Variants in HSPG2 observed in about 807,000 individuals in gnomAD.
HSPG2 encodes the protein heparan sulfate proteoglycan 2.
A neutral mutation model predicts 526.6 loss-of-function variants in HSPG2; 278 were observed. That is an observed-to-expected ratio of 0.53 (90% confidence interval 0.48 to 0.58). The LOEUF (loss-of-function observed/expected upper bound fraction) is 0.58, where lower values mean the gene tolerates loss of function less well. Among genes scored for constraint, HSPG2 ranks in the 20% least tolerant of loss-of-function variants. HSPG2 has a pLI of 0.00. For synonymous variants in HSPG2, 2,465 were observed against 2,555.4 expected (o/e 0.96, Z 1.07); for missense variants, 5,354 against 6,099.5 (o/e 0.88, Z 4.07).
rs1382338246 is a variant in HSPG2, at chr1:21,922,031, T to C, written c.63+15124A>G. On this transcript the variant is annotated intron_variant, in intron 1 of 96. Transcript: ENST00000374695. ...GTGGGGTTGCAGGGGGACGACACAA[T>C]AGAACTGAGACCCAGAGGTTTATCT... Among the ~76,000 whole-genome samples the C allele has an allele frequency of 2.0e-5, 3 of 152,030 alleles. No homozygotes were observed. In the South Asian group the frequency reaches 6.2e-4, roughly 32 times the overall value.
chr1:21,848,158 C>T lies in HSPG2; in HGVS notation c.7738-65G>A. The T allele has an allele frequency of 6.6e-7, 1 of 1,524,116 alleles. No homozygotes were observed. Among genetic ancestry groups the T allele is most frequent in the Non-Finnish European group, 8.8e-7 (1 of 1,132,192 alleles). The allele number at this position is 1,524,116 out of a possible 1,614,324, so 94.4% of individuals were successfully genotyped here. ...GGGCAGCTCCTCCACATCTTGGGCA[C>T]TGCTGCCGCTGCCCCTGGACTCTGG... On this transcript the variant is annotated intron_variant, in intron 59 of 96. Coordinates refer to ENST00000374695, the MANE Select transcript of HSPG2 (RefSeq NM_005529.7). The surrounding 1 kb of genome is among the most constrained non-coding windows in gnomAD (Gnocchi z 4.9).
At chr1:21,860,922 G>T (rs1053923349) in intron 39 of HSPG2, among the ~76,000 whole-genome samples, 1 of 152,238 alleles carries the variant, frequency 6.6e-6, no homozygotes, top group Non-Finnish European at 1.5e-5. Context: ...ACATGAAAAT[G>T]AGAGTGCAGG....
intron 1 of HSPG2, chr1:21,908,307 T>C: frequency 1.0e-6 from 1 of 985,478 alleles, no homozygotes; most frequent in Non-Finnish European, 1.6e-6. Context: ...TTATCCAGTA[T>C]GCTGCTAGCA....
At chr1:21,935,194 C>A (rs1345821517) in intron 1 of HSPG2, among the ~76,000 whole-genome samples, 1 of 152,166 alleles carries the variant, frequency 6.6e-6, no homozygotes, top group East Asian at 1.9e-4. Context: ...CATGAGCCAC[C>A]GCGCCTGGCC....
At chr1:21,906,844 C>T (rs1643406152) in intron 1 of HSPG2, among the ~76,000 whole-genome samples, 1 of 152,020 alleles carries the variant, frequency 6.6e-6, no homozygotes, top group Non-Finnish European at 1.5e-5. Context: ...TTGGGAACAC[C>T]ACCCCAACCA....
At chr1:21,876,085 G>A (rs1441295330) in intron 23 of HSPG2, 43 bp from the exon 24 acceptor site, 7 of 1,606,672 alleles carry the variant, frequency 4.4e-6, no homozygotes, top group South Asian at 2.2e-5. Context: ...GCCTGAATTC[G>A]GGCCCTGTCA....
At chr1:21,935,717 A>C (rs1017683669) in intron 1 of HSPG2, among the ~76,000 whole-genome samples, 8 of 152,246 alleles carry the variant, frequency 5.3e-5, no homozygotes, top group African/African-American at 1.9e-4. Flanking sequence ...AGGTCAGGAA[A>C]GACTGTTGGG....
rs1375380555 is a variant in HSPG2, at chr1:21,864,008, T to A, written c.4740+92A>T. The stretch of plus-strand genomic sequence containing the variant: ...CACAGGCCATGCCCCATGATCCTGA[T>A]CCCCTGGATTGATGCCTGCCTTGTC... On this transcript the variant is annotated intron_variant, in intron 37 of 96. Transcript: ENST00000374695. The surrounding 1 kb of genome is among the most constrained non-coding windows in gnomAD (Gnocchi z 4.8). The A allele has an allele frequency of 5.1e-6, 5 of 987,344 alleles. No homozygotes were observed. The highest frequency in any genetic ancestry group is 7.9e-6 in the Non-Finnish European group (5 of 635,772). 61.2% of individuals were successfully genotyped at this position (987,344 alleles called of 1,614,324 possible). A position where few individuals can be genotyped will look rare whatever the true frequency, so the allele number is the denominator to read the frequency against.
intron 1 of HSPG2, among the ~76,000 whole-genome samples, chr1:21,897,926 TCA>T (rs1191330965): frequency 6.6e-6 from 1 of 152,200 alleles, no homozygotes; most frequent in East Asian, 1.9e-4. Flanking sequence ...TCCTTGCTGT[TCA>T]CAGTGACCTC....
At chr1:21,911,492 G>T (rs1233980806) in intron 1 of HSPG2, among the ~76,000 whole-genome samples, 1 of 148,086 alleles carries the variant, frequency 6.8e-6, no homozygotes, top group Admixed American at 6.7e-5. Flanking sequence ...GGGCGGGCTG[G>T]CTGGGGTCAT....
Position 21,872,463 on chromosome 1 carries a change from G to T in HSPG2, c.4030-86C>A. ...GGGCACGGGAGGGTGTTAAGGTGCG[G>T]AATGGGGTCCTGTTGAGATCAGGAC... is the stretch of plus-strand genomic sequence containing the variant. On this transcript the variant is annotated intron_variant, in intron 32 of 96. Coordinates refer to ENST00000374695, the MANE Select transcript of HSPG2 (RefSeq NM_005529.7). This position sits in a 1 kb window ranked among gnomAD's most constrained non-coding sequence, Gnocchi z 5.5. 1.4e-6 allele frequency: 2 copies of T among 1,419,240 alleles called. No homozygotes were observed. The highest frequency in any genetic ancestry group is 9.7e-7 in the Non-Finnish European group (1 of 1,030,604). 87.9% of individuals were successfully genotyped at this position (1,419,240 alleles called of 1,614,324 possible). A position where few individuals can be genotyped will look rare whatever the true frequency, so the allele number is the denominator to read the frequency against.
In HSPG2 at chr1:21,848,884, G is replaced by A. The variant is rs2152715083; in HGVS notation, c.7585+9C>T. On this transcript the variant is annotated intron_variant, in intron 58 of 96. Coordinates refer to ENST00000374695, the MANE Select transcript of HSPG2 (RefSeq NM_005529.7). This position sits in a 1 kb window ranked among gnomAD's most constrained non-coding sequence, Gnocchi z 4.9. ...CCTCCACCATTTGCATGACCCCCGA[G>A]ACACTCACAGTGGGAGCCACTAAGG... 6.2e-7 allele frequency: 1 copy of A among 1,613,666 alleles called. No individual in the cohort carries two copies.
At chr1:21,841,308 C>T in intron 70 of HSPG2, 23 bp from the exon 71 acceptor site, 3 of 1,612,950 alleles carry the variant, frequency 1.9e-6, no homozygotes, top group Admixed American at 3.3e-5. Flanking sequence ...ATGACAACCA[C>T]TGACACACAG....
chr1:21,935,813 G>A (rs1644474131), intron 1 of HSPG2, among the ~76,000 whole-genome samples: 1 of 152,188 alleles, frequency 6.6e-6, no homozygotes, highest in Non-Finnish European at 1.5e-5. Context: ...TCAAGACTAG[G>A]GAGCTACTGG....
chr1:21,888,119 G>A (rs936786503), intron 6 of HSPG2, 53 bp from the exon 7 acceptor site: 48 of 1,609,324 alleles, frequency 3.0e-5, no homozygotes, highest in Admixed American at 8.3e-5. Context: ...AGGCAGGTGC[G>A]GGAAGCTGTA....
chr1:21,884,418 A>C, intron 13 of HSPG2, 110 bp downstream of exon 13: 1 of 1,432,600 alleles, frequency 7.0e-7, no homozygotes, highest in South Asian at 1.2e-5. Context: ...AGCGACTCAC[A>C]TTCCTTCCCG....
Position 21,855,389 on chromosome 1 carries a change from C to A in HSPG2, c.5912G>T (p.Arg1971Leu), listed in dbSNP as rs747058298. The A allele has an allele frequency of 3.1e-6, 5 of 1,612,848 alleles. No homozygotes were observed. Among genetic ancestry groups the A allele is most frequent in the African/African-American group, 1.3e-5 (1 of 75,048 alleles). The change falls in exon 47 of 97, where the codon CGC becomes CTC. Residue 1971 changes from arginine to leucine, a missense_variant. Coordinates refer to ENST00000374695, the MANE Select transcript of HSPG2 (RefSeq NM_005529.7). ...AGCCCTGCAGTACAGCCTGACGGTG[C>A]GGCCTGCGTGGACCTGGGTCCTCTC... ...SPERTQVHAG[R>L]TVRLYCRAAG...
In HSPG2 at chr1:21,839,689, G is replaced by A; in HGVS notation, c.9709+133C>T. ...GTTGGGTTCCTCGGCCATCACTGGGGGATGCTAGCAACACGGTCTCCCCGT... is the reference window on the plus strand; with the variant it reads ...GTTGGGTTCCTCGGCCATCACTGGGAGATGCTAGCAACACGGTCTCCCCGT... On this transcript the variant is annotated intron_variant, in intron 72 of 96. Coordinates refer to ENST00000374695, the MANE Select transcript of HSPG2 (RefSeq NM_005529.7). The surrounding 1 kb of genome is among the most constrained non-coding windows in gnomAD (Gnocchi z 4.5). 1 of 1,371,594 alleles carries A rather than the reference G, an allele frequency of 7.3e-7. No homozygotes were observed. Among genetic ancestry groups the A allele is most frequent in the Non-Finnish European group, 1.0e-6 (1 of 988,362 alleles). 85.0% of individuals were successfully genotyped at this position (1,371,594 alleles called of 1,614,324 possible).
intron 44 of HSPG2, 63 bp downstream of exon 44, chr1:21,856,952 C>T (rs1639384795): frequency 2.0e-6 from 3 of 1,509,246 alleles, no homozygotes; most frequent in Middle Eastern, 1.7e-4. Context: ...AAATGCTGTG[C>T]TAATTCTGGT....
Sources: allele counts gnomAD v4.1 joint callset (sites outside exome capture counted in the v4.1 genomes callset), GRCh38; gene constraint gnomAD v4.1.1; non-coding constraint Gnocchi (gnomAD v3.1); transcripts MANE v1.5; gene names NCBI Gene and HGNC (gene_info 2026-07-23, HGNC 2026-07-21).